The following FLG variants were observed in gnomAD, a reference collection of about 807,000 sequenced individuals.
The protein encoded by FLG is filaggrin.
FLG carries 6 observed loss-of-function variants against 3.8 expected under a neutral mutation model. The observed-to-expected ratio is 1.60, with a 90% CI of 0.87 to 3.15. The LOEUF (loss-of-function observed/expected upper bound fraction) is 3.15, where lower values mean the gene tolerates loss of function less well. Among genes scored for constraint, FLG ranks in the 30% most tolerant of loss-of-function variants. The probability of loss-of-function intolerance (pLI) is 0.00; values close to 1 mark genes in which losing one functional copy is unlikely to be tolerated. For missense variants in FLG, 7,595 were observed against 5,050.9 expected, an observed-to-expected ratio of 1.50 and a Z score of -15.27; for synonymous variants, 2,551 against 1,931.6, an observed-to-expected ratio of 1.32 and a Z score of -8.41.
At position 152,307,950 on chromosome 1, in the gene FLG, A is replaced by G; in HGVS notation, c.6936T>C (p.Gly2312=). 1.2e-6 allele frequency: 2 copies of G among 1,613,894 alleles called. No individual in the cohort carries two copies. The highest frequency in any genetic ancestry group is 1.1e-5 in the South Asian group (1 of 91,068). The change falls in exon 3 of 3, where the codon GGT becomes GGC. Residue 2312 remains glycine (G), a synonymous_variant. Transcript: ENST00000368799. ...SGTHHAENSS[G]GQAASSHEQA... is the part of the protein sequence containing the mutation. ...GTTCATGGGATGATGCAGCCTGTCC[A>G]CCAGAGGAATTCTCTGCATGATGAG...
chr1:152,312,970 C>A lies in FLG; in HGVS notation c.1916G>T (p.Gly639Val), dbSNP rs753268888. ...TCCATGATGGTTTCTGGAAGCAGAC[C>A]CAGACCACCTCTCAGAGTCTTCTGA... ...GHSEDSERWS[G>V]SASRNHHGSA... The change falls in exon 3 of 3, where the codon GGG becomes GTG. Residue 639 changes from glycine (G) to valine (V), a missense_variant. Physicochemically the swap from Gly to Val is moderately radical, Grantham distance 109 (BLOSUM62 -3). Coordinates refer to ENST00000368799, the MANE Select transcript of FLG (RefSeq NM_002016.2). 3 of 1,613,894 alleles carry A rather than the reference C, an allele frequency of 1.9e-6. No homozygotes were observed. The highest frequency in any genetic ancestry group is 2.2e-5 in the East Asian group (1 of 44,846).
At position 152,312,371 on chromosome 1, in the gene FLG, C is replaced by A. The variant is rs751306893; in HGVS notation, c.2515G>T (p.Asp839Tyr). ...GACCCCGGGTGTCCACGAATGGTGTCCTGACCATCTTGGGATGCTGAGTGC... is the reference window on the plus strand; with the variant it reads ...GACCCCGGGTGTCCACGAATGGTGTACTGACCATCTTGGGATGCTGAGTGC... ...SRHSASQDGQ[D>Y]TIRGHPGSSR... The change falls in exon 3 of 3, where the codon GAC becomes TAC. Residue 839 changes from aspartate to tyrosine, a missense_variant. Asp to Tyr is a radical substitution (Grantham distance 160). Transcript: ENST00000368799. 1 of 1,612,538 alleles carries A rather than the reference C, an allele frequency of 6.2e-7. No homozygotes were observed. The highest frequency in any genetic ancestry group is 2.2e-5 in the East Asian group (1 of 44,722).
Position 152,309,266 on chromosome 1 carries a change from A to G in FLG, c.5620T>C (p.Ser1874Pro). ...VSRQTRNEKQ[S>P]GDGSRHSGSR... is the part of the protein sequence containing the mutation. ...CCTGAGTGCCTGGAGCCGTCTCCTGATTGTTTCTCATTACGTGTTTGTCTG... is the reference window on the plus strand; with the variant it reads ...CCTGAGTGCCTGGAGCCGTCTCCTGGTTGTTTCTCATTACGTGTTTGTCTG... Residue 1874 changes from serine to proline, a missense_variant, in exon 3 of 3, where the codon TCA becomes CCA. By Grantham distance (74) the Ser-to-Pro change is moderately conservative (BLOSUM62 -1). Transcript: ENST00000368799. The G allele has an allele frequency of 3.7e-6, 6 of 1,612,088 alleles. No homozygotes were observed. The highest frequency in any genetic ancestry group is 5.1e-6 in the Non-Finnish European group (6 of 1,179,544).
At position 152,312,107 on chromosome 1, in the gene FLG, G is replaced by C. The variant is rs763988476; in HGVS notation, c.2779C>G (p.Gln927Glu). The C allele has an allele frequency of 1.2e-6, 2 of 1,613,984 alleles. No individual in the cohort carries two copies. The highest frequency in any genetic ancestry group is 1.7e-6 in the Non-Finnish European group (2 of 1,180,026). ...CCCTCTGATTGTCCCTGGCCTGCCT[G>C]TGAGTGTCTAGAGATGTCGGCATGA... ...SSHADISRHS[Q>E]AGQGQSEGSR... The change falls in exon 3 of 3, where the codon CAG (glutamine) becomes GAG (glutamate). Residue 927 changes from glutamine (Q) to glutamate (E), a missense_variant. By Grantham distance (29) the Gln-to-Glu change is conservative (BLOSUM62 2). Coordinates refer to ENST00000368799, the MANE Select transcript of FLG (RefSeq NM_002016.2).
rs12135040 is a variant in FLG, at chr1:152,309,080, C to G, written c.5806G>C (p.Gly1936Arg). 1.3e-3 allele frequency: 2,030 copies of G among 1,614,036 alleles called. 7 individuals are homozygous for G. The highest frequency in any genetic ancestry group is 1.6e-3 in the Non-Finnish European group (1,851 of 1,180,014). Reference protein sequence around the residue: ...GHSEDSERWSGSASRNHLGSA... With the variant: ...GHSEDSERWSRSASRNHLGSA... ...CCAAGATGGTTTCTGGAAGCAGACC[C>G]AGACCACCTCTCAGAGTCTTCTGAG... The change falls in exon 3 of 3, where the codon GGG (glycine) becomes CGG (arginine). Residue 1936 changes from glycine to arginine, a missense_variant. Gly to Arg is a moderately radical substitution (Grantham distance 125). Coordinates refer to ENST00000368799, the MANE Select transcript of FLG (RefSeq NM_002016.2).
In FLG at chr1:152,302,715, G is replaced by T; in HGVS notation, c.12171C>A (p.Tyr4057Ter). ...CATTAATTTCTTACTCATAGTAATA[G>T]TATCTCTGTGACTGACTAAATCCCA... The part of the protein sequence containing the change: ...KQLGFSQSQR[Y>*]YYYE Residue 4057 changes from tyrosine to a stop codon, truncating the protein, a stop_gained, in exon 3 of 3, where the codon TAC becomes TAA. Transcript: ENST00000368799. LOFTEE classifies it high-confidence loss of function. 1 of 1,613,146 alleles carries T rather than the reference G, an allele frequency of 6.2e-7. No individual in the cohort carries two copies. The highest frequency in any genetic ancestry group is 8.5e-7 in the Non-Finnish European group (1 of 1,179,162).
chr1:152,314,213 G>T lies in FLG; in HGVS notation c.673C>A (p.Gln225Lys). The T allele has an allele frequency of 1.2e-6, 2 of 1,613,782 alleles. No individual in the cohort carries two copies. Among genetic ancestry groups the T allele is most frequent in the Non-Finnish European group, 1.7e-6 (2 of 1,179,924 alleles). The part of the protein sequence containing the change: ...YDYENTGRMT[Q>K]KWIQSGHIAT... Reference sequence around the variant, plus strand: ...ATATGGCCTGATTGTATCCATTTTTGAGTCATTCTTCCTGTATTTTCATAA... The same window carrying T: ...ATATGGCCTGATTGTATCCATTTTTTAGTCATTCTTCCTGTATTTTCATAA... The change falls in exon 3 of 3, where the codon CAA becomes AAA. Residue 225 changes from glutamine to lysine, a missense_variant. By Grantham distance (53) the Gln-to-Lys change is moderately conservative. Coordinates refer to ENST00000368799, the MANE Select transcript of FLG (RefSeq NM_002016.2).
chr1:152,314,383 T>C lies in FLG; in HGVS notation c.503A>G (p.His168Arg), dbSNP rs779906299. 55 of 1,612,980 alleles carry C rather than the reference T, an allele frequency of 3.4e-5. No individual in the cohort carries two copies. The highest frequency in any genetic ancestry group is 4.4e-5 in the Non-Finnish European group (52 of 1,179,676). ...KKERKGYSPT[H>R]REEEYGKNHH... ...GTTTTTTCCATATTCTTCTTCTCTA[T>C]GAGTAGGTGAATATCCTTTTCTTTC... The change falls in exon 3 of 3, where the codon CAT (histidine) becomes CGT (arginine). Residue 168 changes from histidine (H) to arginine (R), a missense_variant. His to Arg is a conservative substitution (Grantham distance 29). Coordinates refer to ENST00000368799, the MANE Select transcript of FLG (RefSeq NM_002016.2).
At chr1:152,314,904 A>T in intron 2 of FLG, 157 bp from the exon 3 acceptor site, 1 of 810,786 alleles carries the variant, frequency 1.2e-6, no homozygotes, top group East Asian at 2.7e-5. Context: ...ATCCTCATTC[A>T]GGTGTTATAT....
rs1452351868 is a variant in FLG, at chr1:152,305,246, T to G, written c.9640A>C (p.Ser3214Arg). 1.9e-6 allele frequency: 3 copies of G among 1,612,818 alleles called. No homozygotes were observed. In the South Asian group the frequency reaches 3.3e-5, roughly 18 times the overall value. The change falls in exon 3 of 3, where the codon AGT (serine) becomes CGT (arginine). Residue 3214 changes from serine (S) to arginine (R), a missense_variant. Ser to Arg is a moderately radical substitution (Grantham distance 110). Coordinates refer to ENST00000368799, the MANE Select transcript of FLG (RefSeq NM_002016.2). ...TCACTGTCACTGTCCTGGCTCACACTGGATCCCTGGCGCCTGCTTCTCCTG... is the reference window on the plus strand; with the variant it reads ...TCACTGTCACTGTCCTGGCTCACACGGGATCCCTGGCGCCTGCTTCTCCTG... ...GSRRSRRQGSSVSQDSDSEGH... is the reference protein window; with the variant it reads ...GSRRSRRQGSRVSQDSDSEGH...
chr1:152,320,509 A>G (rs1652923887), intron 1 of FLG, among the ~76,000 whole-genome samples: 1 of 151,140 alleles, frequency 6.6e-6, no homozygotes, highest in South Asian at 2.1e-4. Context: ...AAATATTGCT[A>G]GAAGGAAATT....
Position 152,313,860 on chromosome 1 carries a change from G to C in FLG, c.1026C>G (p.Asp342Glu). The change falls in exon 3 of 3, where the codon GAC becomes GAG. Residue 342 changes from aspartate to glutamate, a missense_variant. Asp to Glu is a conservative substitution (Grantham distance 45, BLOSUM62 2). Transcript: ENST00000368799. The part of the protein sequence containing the change: ...GSRHPRSHDE[D>E]RASHGHSADS... Reference sequence around the variant, plus strand: ...CTGCAGAGTGCCCATGACTGGCTCTGTCTTCATCATGGGACCTGGGGTGTC... The same window carrying C: ...CTGCAGAGTGCCCATGACTGGCTCTCTCTTCATCATGGGACCTGGGGTGTC... 6.2e-7 allele frequency: 1 copy of C among 1,614,034 alleles called. No homozygotes were observed. The highest frequency in any genetic ancestry group is 1.1e-5 in the South Asian group (1 of 91,050).
rs776084939 is a variant in FLG at position 152,313,325 on chromosome 1, C to T, written c.1561G>A (p.Gly521Arg). The change falls in exon 3 of 3, where the codon GGG becomes AGG. Residue 521 changes from glycine (G) to arginine (R), a missense_variant. Transcript: ENST00000368799. ...CCCTGCCTTCCTCCTCTGCTTGACC[C>T]CGGGTGTCCACGAATGGTGTCCTGA... is the stretch of plus-strand genomic sequence containing the variant. ...EGQDTIRGHP[G>R]SSRGGRQGSH... 17 of 1,613,568 alleles carry T rather than the reference C, an allele frequency of 1.1e-5. No homozygotes were observed. The highest frequency in any genetic ancestry group is 1.3e-5 in the African/African-American group (1 of 74,708).
intron 1 of FLG, among the ~76,000 whole-genome samples, 168 bp from the exon 2 acceptor site, chr1:152,315,645 G>T (rs1208819823): frequency 6.6e-6 from 1 of 152,140 alleles, no homozygotes; most frequent in African/African-American, 2.4e-5. Flanking sequence ...TAAAACAAAT[G>T]AATAGAGTTT....
chr1:152,310,803 G>T lies in FLG; in HGVS notation c.4083C>A (p.His1361Gln). 1 of 1,611,892 alleles carries T rather than the reference G, an allele frequency of 6.2e-7. No homozygotes were observed. Reference protein sequence around the residue: ...SSPGERHGSRHQQSADSSRHS... With the variant: ...SSPGERHGSRQQQSADSSRHS... ...GTCTGGAGCTGTCTGCTGACTGCTG[G>T]TGGCGGGATCCATGTCTTTCTCCTG... is the stretch of plus-strand genomic sequence containing the variant. The change falls in exon 3 of 3, where the codon CAC becomes CAA. Residue 1361 changes from histidine to glutamine, a missense_variant. His to Gln is a conservative substitution (Grantham distance 24, BLOSUM62 0). Transcript: ENST00000368799.
chr1:152,309,342 G>A lies in FLG; in HGVS notation c.5544C>T (p.Ser1848=), dbSNP rs1652224233. 2 of 1,613,608 alleles carry A rather than the reference G, an allele frequency of 1.2e-6. No individual in the cohort carries two copies. The highest frequency in any genetic ancestry group is 2.2e-5 in the South Asian group (2 of 91,072). Residue 1848 remains serine, a synonymous_variant, in exon 3 of 3, where the codon TCC becomes TCT. Coordinates refer to ENST00000368799, the MANE Select transcript of FLG (RefSeq NM_002016.2). Reference sequence around the variant, plus strand: ...CACGGGAGACATCAGACCTTTCCTGGGACGTGGTGTGGCTGTGATGAGACC... The same window carrying A: ...CACGGGAGACATCAGACCTTTCCTGAGACGTGGTGTGGCTGTGATGAGACC... The part of the protein sequence containing the change: ...HSGSHHSHTT[S]QERSDVSRGQ...
At position 152,315,361 on chromosome 1, in the gene FLG, C is replaced by T. The variant is rs1652748480; in HGVS notation, c.96G>A (p.Glu32=). Residue 32 remains glutamate, a synonymous_variant, in exon 2 of 3, where the codon GAG becomes GAA. Transcript: ENST00000368799. ...ATTCCTTTTCCAGAAGTTCCTTCAG[C>T]TCTTTTTTACTCAATGTGTCAGTGT... is the stretch of plus-strand genomic sequence containing the variant. ...DKNTDTLSKK[E]LKELLEKEFR... is the part of the protein sequence containing the mutation. 1 of 1,613,240 alleles carries T rather than the reference C, an allele frequency of 6.2e-7. No homozygotes were observed. The highest frequency in any genetic ancestry group is 1.3e-5 in the African/African-American group (1 of 74,904).
Position 152,313,922 on chromosome 1 carries a change from G to C in FLG, c.964C>G (p.His322Asp). The C allele has an allele frequency of 6.2e-7, 1 of 1,613,846 alleles. No individual in the cohort carries two copies. The highest frequency in any genetic ancestry group is 8.5e-7 in the Non-Finnish European group (1 of 1,179,966). ...RHSGSASRNH[H>D]GSAWEQSRDG... is the part of the protein sequence containing the mutation. Reference sequence around the variant, plus strand: ...CTTGACTGCTCCCACGCAGATCCATGATGGTTTCTGGAAGCCGACCCAGAG... The same window carrying C: ...CTTGACTGCTCCCACGCAGATCCATCATGGTTTCTGGAAGCCGACCCAGAG... Residue 322 changes from histidine (H) to aspartate (D), a missense_variant, in exon 3 of 3, where the codon CAT (histidine) becomes GAT (aspartate). By Grantham distance (81) the His-to-Asp change is moderately conservative. Transcript: ENST00000368799.
At position 152,305,280 on chromosome 1, in the gene FLG, T is replaced by C. The variant is rs754531102; in HGVS notation, c.9606A>G (p.Ser3202=). 2.5e-6 allele frequency: 4 copies of C among 1,612,232 alleles called. No homozygotes were observed. The highest frequency in any genetic ancestry group is 1.7e-5 in the Admixed American group (1 of 59,708). ...SRHSQAVQGQ[S]EGSRRSRRQG... ...GGCGCCTGCTTCTCCTGGACCCCTCTGATTGTCCCTGGACTGCCTGTGAGT... is the reference window on the plus strand; with the variant it reads ...GGCGCCTGCTTCTCCTGGACCCCTCCGATTGTCCCTGGACTGCCTGTGAGT... The change falls in exon 3 of 3, where the codon TCA becomes TCG. Residue 3202 remains serine (S), a synonymous_variant. Transcript: ENST00000368799.
Sources: gnomAD v4.1 joint callset for allele counts (sites outside exome capture counted in the v4.1 genomes callset) on GRCh38, gnomAD v4.1.1 for gene constraint, MANE v1.5 for transcripts, NCBI Gene and HGNC (gene_info 2026-07-23, HGNC 2026-07-21) for gene names.